The following GADL1 variants were observed in gnomAD, a reference collection of about 807,000 sequenced individuals.
GADL1 encodes the protein acidic amino acid decarboxylase GADL1.
A neutral mutation model predicts 69.5 loss-of-function variants in GADL1; 71 were observed. The observed-to-expected ratio is 1.02, with a 90% CI of 0.84 to 1.25. The LOEUF is 1.25. Ranked by LOEUF, GADL1 falls within the 50% of genes most tolerant of loss-of-function variation. The pLI, the probability that GADL1 is intolerant of heterozygous loss-of-function variation, is 0.00. For missense variants in GADL1, 737 were observed against 631.8 expected (o/e 1.17, Z -1.79); for synonymous variants, 254 against 214.4 (o/e 1.18, Z -1.62).
chr3:30,891,284 C>T (rs766484776), intron 1 of GADL1, among the ~76,000 whole-genome samples: 1 of 152,144 alleles, frequency 6.6e-6, no homozygotes, highest in Non-Finnish European at 1.5e-5. Context: ...CATATACATG[C>T]CCCTGAGAGA....
chr3:30,806,684 C>T (rs1386756480), intron 11 of GADL1, among the ~76,000 whole-genome samples: 5 of 152,188 alleles, frequency 3.3e-5, no homozygotes, highest in African/African-American at 1.2e-4. Context: ...GTCATATTCA[C>T]CACCTTAGAG....
At chr3:30,762,730 C>T (rs1183784506) in intron 14 of GADL1, among the ~76,000 whole-genome samples, 2 of 152,092 alleles carry the variant, frequency 1.3e-5, no homozygotes, top group Non-Finnish European at 2.9e-5. Context: ...ATCCATTAAC[C>T]ATGCCCACCT....
At chr3:30,772,634 TG>T (rs1696441911) in intron 14 of GADL1, among the ~76,000 whole-genome samples, 1 of 152,086 alleles carries the variant, frequency 6.6e-6, no homozygotes, top group Non-Finnish European at 1.5e-5. Flanking sequence ...CCAAGCACTT[TG>T]GGGGGCTGAG....
At chr3:30,752,616 TC>T (rs1251469159) in intron 14 of GADL1, among the ~76,000 whole-genome samples, 1 of 152,124 alleles carries the variant, frequency 6.6e-6, no homozygotes, top group East Asian at 1.9e-4. Context: ...CTTAACCTGT[TC>T]CCCTTAAATA....
At chr3:30,773,105 G>A (rs967951675) in intron 14 of GADL1, among the ~76,000 whole-genome samples, 9 of 151,970 alleles carry the variant, frequency 5.9e-5, no homozygotes, top group Admixed American at 2.0e-4. Context: ...ATTAATTATT[G>A]TATAATCATG....
At chr3:30,838,010 AG>A (rs1259020009) in intron 9 of GADL1, among the ~76,000 whole-genome samples, 1 of 152,174 alleles carries the variant, frequency 6.6e-6, no homozygotes, top group African/African-American at 2.4e-5. Flanking sequence ...ACACTCTACT[AG>A]GTGATATGAT....
intron 11 of GADL1, among the ~76,000 whole-genome samples, chr3:30,832,966 T>A (rs1270045282): frequency 6.6e-6 from 1 of 152,040 alleles, no homozygotes; most frequent in Non-Finnish European, 1.5e-5. Context: ...ATATCACAAT[T>A]TCTTTAAAAA....
At chr3:30,838,596 T>TC (rs1377211212) in intron 9 of GADL1, among the ~76,000 whole-genome samples, 3 of 151,856 alleles carry the variant, frequency 2.0e-5, no homozygotes, top group African/African-American at 7.2e-5. Context: ...ACATCTACCA[T>TC]CCCCCCTCTT....
At chr3:30,888,854 T>C (rs2125547653) in intron 1 of GADL1, among the ~76,000 whole-genome samples, 1 of 151,934 alleles carries the variant, frequency 6.6e-6, no homozygotes, top group Middle Eastern at 3.4e-3. Context: ...GAATTCCACT[T>C]CTGTCAGAAA....
At chr3:30,756,695 T>A (rs1315195945) in intron 14 of GADL1, among the ~76,000 whole-genome samples, 3 of 152,246 alleles carry the variant, frequency 2.0e-5, no homozygotes, top group Middle Eastern at 6.8e-3. Context: ...GAAGTAGAGA[T>A]CATGCGGAGG....
chr3:30,797,759 T>C (rs1697074723), intron 12 of GADL1: 1 of 152,012 alleles, frequency 6.6e-6, no homozygotes, highest in Admixed American at 6.6e-5. Context: ...GTTGTTACCA[T>C]GTGGGATTGA....
rs566515182 is a variant in GADL1, at chr3:30,732,730, TCA to T, written c.1393-4317_1393-4316del. On this transcript the variant is annotated intron_variant, in intron 14 of 14. Transcript: ENST00000282538. ...TTCTTTTTAAGAATTTGTTATATAC[TCA>T]GTGTTAACAAGAACAGTTTTTCAAA... Among the ~76,000 whole-genome samples the T allele has an allele frequency of 1.1e-4, 17 of 152,328 alleles. No homozygotes were observed. The South Asian group carries it at 3.1e-3, about 28-fold the overall frequency.
intron 2 of GADL1, among the ~76,000 whole-genome samples, chr3:30,859,358 G>C (rs919020310): frequency 6.6e-6 from 1 of 151,912 alleles, no homozygotes; most frequent in Admixed American, 6.6e-5. Context: ...GACTACTGGC[G>C]CATTCAACAA....
chr3:30,753,091 T>C (rs925171994), intron 14 of GADL1, among the ~76,000 whole-genome samples: 9 of 152,166 alleles, frequency 5.9e-5, no homozygotes, highest in African/African-American at 2.2e-4. Flanking sequence ...TGCCAATAAA[T>C]AAGTGCAGTG....
At chr3:30,740,215 A>G (rs1474146021) in intron 14 of GADL1, among the ~76,000 whole-genome samples, 1 of 152,142 alleles carries the variant, frequency 6.6e-6, no homozygotes, top group African/African-American at 2.4e-5. Context: ...TTGCTTGGCA[A>G]AAAGGGCTCT....
chr3:30,751,673 C>T lies in GADL1; in HGVS notation c.1393-23258G>A, dbSNP rs77180975. The stretch of plus-strand genomic sequence containing the variant: ...GAATTATCTCCCTATAAGCCCACCC[C>T]TTCATCTAGTCTTAACTACAATCGT... On this transcript the variant is annotated intron_variant, in intron 14 of 14. Transcript: ENST00000282538. 6.2e-3 allele frequency among the ~76,000 whole-genome samples: 946 copies of T among 152,254 alleles called. 13 individuals are homozygous for T. Among genetic ancestry groups the T allele is most frequent in the African/African-American group, 0.022 (914 of 41,540 alleles).
At chr3:30,783,325 C>T (rs895845339) in intron 13 of GADL1, among the ~76,000 whole-genome samples, 1 of 152,034 alleles carries the variant, frequency 6.6e-6, no homozygotes, top group African/African-American at 2.4e-5. Context: ...GATCTTAGAT[C>T]CAACACAGAA....
At chr3:30,848,859 C>T (rs1698097721) in intron 6 of GADL1, among the ~76,000 whole-genome samples, 1 of 152,190 alleles carries the variant, frequency 6.6e-6, no homozygotes, top group South Asian at 2.1e-4. Flanking sequence ...TGCGTGGTTG[C>T]TGGATTGTTC....
chr3:30,820,471 A>T (rs1456447360), intron 11 of GADL1, among the ~76,000 whole-genome samples: 1 of 152,180 alleles, frequency 6.6e-6, no homozygotes, highest in African/African-American at 2.4e-5. Flanking sequence ...AATAACTTAA[A>T]ATCTCTCAGA....
Sources: gnomAD v4.1 joint callset for allele counts (sites outside exome capture counted in the v4.1 genomes callset) on GRCh38, gnomAD v4.1.1 for gene constraint, MANE v1.5 for transcripts, NCBI Gene and HGNC (gene_info 2026-07-23, HGNC 2026-07-21) for gene names.